NEK10: variants seen among roughly 807,000 people sequenced by gnomAD.
NEK10 encodes NIMA related kinase 10, also known as serine/threonine-protein kinase Nek10.
NEK10 carries 122 observed loss-of-function variants against 159.8 expected under a neutral mutation model. The observed-to-expected ratio is 0.76, with a 90% CI of 0.66 to 0.89. The LOEUF (loss-of-function observed/expected upper bound fraction) is 0.89. NEK10 is among the 40% of genes least tolerant of loss of function. NEK10 has a pLI of 0.00. For synonymous variants in NEK10, 466 were observed against 457.1 expected (o/e 1.02, Z -0.25); for missense variants, 1,342 against 1,323.1 (o/e 1.01, Z -0.22).
intron 23 of NEK10, among the ~76,000 whole-genome samples, chr3:27,217,890 G>T (rs1234786178): frequency 1.3e-5 from 2 of 152,086 alleles, no homozygotes; most frequent in African/African-American, 2.4e-5. Flanking sequence ...TTTTTCCCTA[G>T]ATATACATAT....
chr3:27,107,547 T>C lies in NEK10; in HGVS notation c.*3725A>G, dbSNP rs571225436. Among the ~76,000 whole-genome samples the C allele has an allele frequency of 2.9e-4, 44 of 152,332 alleles. No homozygotes were observed. Among genetic ancestry groups the C allele is most frequent in the Non-Finnish European group, 5.4e-4 (37 of 68,026 alleles). ...AATTAATTTAATCTCAAAGATATCA[T>C]GTAAGTATATATGAAATTCATTTAT... is the stretch of plus-strand genomic sequence containing the variant. On this transcript the variant is annotated 3_prime_UTR_variant, in exon 36 of 36. Coordinates refer to ENST00000691995, the MANE Select transcript of NEK10 (RefSeq NM_001394966.1).
intron 6 of NEK10, among the ~76,000 whole-genome samples, chr3:27,320,607 CACAGTTCTGTA>C (rs1346939146): frequency 6.6e-6 from 1 of 152,178 alleles, no homozygotes; most frequent in Non-Finnish European, 1.5e-5. Flanking sequence ...GCATGGAACA[CACAGTTCTGTA>C]TGGTTGGTCA....
chr3:27,318,864 A>C (rs995905161), intron 6 of NEK10, among the ~76,000 whole-genome samples: 1 of 152,232 alleles, frequency 6.6e-6, no homozygotes, highest in African/African-American at 2.4e-5. Flanking sequence ...AAACAGCAAC[A>C]ACAAAAAGAT....
intron 32 of NEK10, among the ~76,000 whole-genome samples, chr3:27,128,071 G>A (rs536568150): frequency 5.9e-5 from 9 of 152,224 alleles, no homozygotes; most frequent in Non-Finnish European, 8.8e-5. Flanking sequence ...AACTTTTCCC[G>A]TAAAGGATCA....
At chr3:27,149,099 T>C (rs747622097) in intron 30 of NEK10, among the ~76,000 whole-genome samples, 1 of 150,318 alleles carries the variant, frequency 6.7e-6, no homozygotes, top group Non-Finnish European at 1.5e-5. Flanking sequence ...TATTTTAATA[T>C]AATAAAATAA....
At position 27,253,244 on chromosome 3, in the gene NEK10, T is replaced by C. The variant is rs898838308; in HGVS notation, c.2090+3052A>G. Among the ~76,000 whole-genome samples, 14 of 152,310 alleles carry C rather than the reference T, an allele frequency of 9.2e-5. No individual in the cohort carries two copies. In the East Asian group the frequency reaches 2.7e-3, roughly 29 times the overall value. On this transcript the variant is annotated intron_variant, in intron 23 of 35. Transcript: ENST00000691995. ...CATTTTTATTGGAAAACTTTTATTGTATTTTATACATCATACTAGCTTCAT... is the reference window on the plus strand; with the variant it reads ...CATTTTTATTGGAAAACTTTTATTGCATTTTATACATCATACTAGCTTCAT...
chr3:27,240,840 G>T (rs1204822923), intron 23 of NEK10, among the ~76,000 whole-genome samples: 1 of 151,744 alleles, frequency 6.6e-6, no homozygotes, highest in Non-Finnish European at 1.5e-5. Context: ...TTTTAGTAGA[G>T]ACAGGGTTAC....
At chr3:27,238,787 G>GTGTA in intron 23 of NEK10, among the ~76,000 whole-genome samples, 1 of 146,798 alleles carries the variant, frequency 6.8e-6, no homozygotes, top group Non-Finnish European at 1.5e-5. Context: ...GTGTGTGTGT[G>GTGTA]TGTATGTGAA....
At chr3:27,263,669 C>T (rs1247509182) in intron 22 of NEK10, among the ~76,000 whole-genome samples, 5 of 152,124 alleles carry the variant, frequency 3.3e-5, no homozygotes, top group Admixed American at 6.5e-5. Context: ...GTTGGAAAAG[C>T]GCAGTATTAG....
At position 27,106,517 on chromosome 3, in the gene NEK10, C is replaced by G. The variant is rs1939014299; in HGVS notation, c.*4755G>C. On this transcript the variant is annotated 3_prime_UTR_variant, in exon 36 of 36. Transcript: ENST00000691995. ...AACAGTTTTAGCTAAAATTTAATAG[C>G]CATTTACAAGCTTTATATTCTATTT... Among the ~76,000 whole-genome samples the G allele has an allele frequency of 6.6e-6, 1 of 152,174 alleles. No homozygotes were observed. The highest frequency in any genetic ancestry group is 1.5e-5 in the Non-Finnish European group (1 of 68,036).
At chr3:27,263,306 C>A (rs1203895033) in intron 22 of NEK10, among the ~76,000 whole-genome samples, 6 of 152,216 alleles carry the variant, frequency 3.9e-5, no homozygotes, top group Non-Finnish European at 4.4e-5. Context: ...CTCAGATCTC[C>A]AGCTGCGTGC....
chr3:27,290,955 C>A (rs1286012721), intron 18 of NEK10, among the ~76,000 whole-genome samples: 1 of 152,208 alleles, frequency 6.6e-6, no homozygotes, highest in Admixed American at 6.5e-5. Flanking sequence ...CTGGGTCAGT[C>A]TGCAATACTT....
chr3:27,187,399 G>T (rs62255219), intron 26 of NEK10, among the ~76,000 whole-genome samples: 34,705 of 152,022 alleles, frequency 0.23, 4,283 homozygotes, highest in Middle Eastern at 0.38. Flanking sequence ...ACAAACAGGG[G>T]TTCAAAACAA....
intron 22 of NEK10, among the ~76,000 whole-genome samples, chr3:27,259,327 T>A (rs182508431): frequency 9.1e-4 from 139 of 152,358 alleles, no homozygotes; most frequent in African/African-American, 2.7e-3. Flanking sequence ...GCCTAGGTAT[T>A]CTTCTAGGGT....
chr3:27,294,756 T>C (rs1374628118), intron 15 of NEK10, among the ~76,000 whole-genome samples: 1 of 152,100 alleles, frequency 6.6e-6, no homozygotes, highest in African/African-American at 2.4e-5. Flanking sequence ...TTCTTCCTTT[T>C]CAAAATGACT....
intron 25 of NEK10, among the ~76,000 whole-genome samples, chr3:27,197,443 T>C (rs1430533382): frequency 6.6e-6 from 1 of 152,194 alleles, no homozygotes; most frequent in Non-Finnish European, 1.5e-5. Context: ...CCCAAAGTGC[T>C]GGTATCACAG....
chr3:27,272,072 A>G (rs1362150340), intron 22 of NEK10, among the ~76,000 whole-genome samples: 3 of 152,190 alleles, frequency 2.0e-5, no homozygotes, highest in African/African-American at 4.8e-5. Context: ...TGTTTCAACA[A>G]CAGCATGACA....
At chr3:27,238,634 T>C (rs188700909) in intron 23 of NEK10, among the ~76,000 whole-genome samples, 39 of 152,082 alleles carry the variant, frequency 2.6e-4, no homozygotes, top group Non-Finnish European at 4.4e-4. Flanking sequence ...TCATAAAATA[T>C]ATGCCATTGG....
intron 25 of NEK10, among the ~76,000 whole-genome samples, chr3:27,195,670 C>T (rs1949492336): frequency 1.3e-5 from 2 of 152,178 alleles, no homozygotes; most frequent in African/African-American, 2.4e-5. Flanking sequence ...AGATACTGGT[C>T]TGCGAAATGC....
Sources: allele counts gnomAD v4.1 joint callset (sites outside exome capture counted in the v4.1 genomes callset), GRCh38; gene constraint gnomAD v4.1.1; transcripts MANE v1.5; gene names NCBI Gene and HGNC (gene_info 2026-07-23, HGNC 2026-07-21).